NOP56: variants seen among roughly 807,000 people sequenced by gnomAD.
The protein encoded by NOP56 is nucleolar protein 56.
Under a neutral mutation model 58.3 loss-of-function variants are expected in NOP56, and 31 were observed. That is an observed-to-expected ratio of 0.53 (90% confidence interval 0.40 to 0.72). The LOEUF (loss-of-function observed/expected upper bound fraction) is 0.72, where lower values mean the gene tolerates loss of function less well. NOP56 is among the 30% of genes least tolerant of loss of function. The probability of loss-of-function intolerance (pLI) is 0.00; values close to 1 mark genes in which losing one functional copy is unlikely to be tolerated. For synonymous variants in NOP56, 313 were observed against 282.8 expected (o/e 1.11, Z -1.07); for missense variants, 669 against 739.9 (o/e 0.90, Z 1.11).
In NOP56 at chr20:2,658,033, A is replaced by G. The variant is rs749665536; in HGVS notation, c.1524A>G (p.Lys508=). 2.5e-6 allele frequency: 4 copies of G among 1,613,474 alleles called. No homozygotes were observed. The highest frequency in any genetic ancestry group is 1.1e-5 in the South Asian group (1 of 91,046). ...CTATCTCTTTCTCCAAACCCAAGAA[A>G]AAGAAATCTTTTTCCAAGGAGGAGT... ...DPSISFSKPK[K]KKSFSKEELM... The change falls in exon 12 of 12, where the codon AAA becomes AAG. Residue 508 remains lysine, a synonymous_variant. Transcript: ENST00000329276.
Position 2,652,665 on chromosome 20 carries a change from T to C in NOP56, c.3+2T>C, listed in dbSNP as rs1222840555. Reference sequence around the variant, plus strand: ...CCGAACCCGGGAGCTGGCGCCATGGTGAGGAGTGGTTGCGGGGCGCGGGCG... The same window carrying C: ...CCGAACCCGGGAGCTGGCGCCATGGCGAGGAGTGGTTGCGGGGCGCGGGCG... On this transcript the variant is annotated splice_donor_variant, in intron 1 of 11. Coordinates refer to ENST00000329276, the MANE Select transcript of NOP56 (RefSeq NM_006392.4). LOFTEE classifies it high-confidence loss of function. 1.4e-6 allele frequency: 2 copies of C among 1,454,198 alleles called. No homozygotes were observed. The highest frequency in any genetic ancestry group is 1.8e-6 in the Non-Finnish European group (2 of 1,112,592). 90.1% of individuals were successfully genotyped at this position (1,454,198 alleles called of 1,614,324 possible). A position where few individuals can be genotyped will look rare whatever the true frequency, so the allele number is the denominator to read the frequency against.
chr20:2,652,666 G>A lies in NOP56; in HGVS notation c.3+3G>A, dbSNP rs528649307. On this transcript the variant is annotated splice_donor_region_variant and intron_variant, in intron 1 of 11. Transcript: ENST00000329276. ...CGAACCCGGGAGCTGGCGCCATGGTGAGGAGTGGTTGCGGGGCGCGGGCGA... is the reference window on the plus strand; with the variant it reads ...CGAACCCGGGAGCTGGCGCCATGGTAAGGAGTGGTTGCGGGGCGCGGGCGA... 65 of 1,457,938 alleles carry A rather than the reference G, an allele frequency of 4.5e-5. 2 individuals carry two copies. In the South Asian group the frequency reaches 4.6e-4, roughly 10 times the overall value. 90.3% of individuals were successfully genotyped at this position (1,457,938 alleles called of 1,614,324 possible).
intron 8 of NOP56, 54 bp from the exon 9 acceptor site, chr20:2,656,347 G>C (rs1396578212): frequency 8.1e-6 from 13 of 1,611,716 alleles, no homozygotes; most frequent in Non-Finnish European, 1.1e-5. Context: ...GAGCTGCCTT[G>C]GCTAATGGGG....
At chr20:2,657,438 T>A in intron 11 of NOP56, 1 of 741,078 alleles carries the variant, frequency 1.3e-6, no homozygotes, top group Non-Finnish European at 2.4e-6. Context: ...ACCCGTTCCC[T>A]GGGCATGTGT....
In NOP56 at chr20:2,657,869, A is replaced by C. The variant is rs1190935076; in HGVS notation, c.1420-60A>C. On this transcript the variant is annotated intron_variant, in intron 11 of 11. Transcript: ENST00000329276. Reference sequence around the variant, plus strand: ...ACGCGTTCCCCTGCCTTGGCTACTTAATTGCTGAAGATGTAATGAGCACTG... The same window carrying C: ...ACGCGTTCCCCTGCCTTGGCTACTTCATTGCTGAAGATGTAATGAGCACTG... The C allele has an allele frequency of 6.6e-6, 10 of 1,509,434 alleles. No individual in the cohort carries two copies. The Admixed American group carries it at 2.2e-4, about 34-fold the overall frequency. The allele number at this position is 1,509,434 out of a possible 1,614,324, so 93.5% of individuals were successfully genotyped here. A position where few individuals can be genotyped will look rare whatever the true frequency, so the allele number is the denominator to read the frequency against.
chr20:2,654,148 ATTAT>A (rs1458218015), intron 3 of NOP56: 1 of 680,376 alleles, frequency 1.5e-6, no homozygotes, highest in African/African-American at 1.7e-5. Context: ...GTTACAAGCT[ATTAT>A]TTATTGCCCA....
In NOP56 at chr20:2,658,022, A is replaced by G. The variant is rs756300272; in HGVS notation, c.1513A>G (p.Lys505Glu). ...GGAAGACCCATCTATCTCTTTCTCCAAACCCAAGAAAAAGAAATCTTTTTC... is the reference window on the plus strand; with the variant it reads ...GGAAGACCCATCTATCTCTTTCTCCGAACCCAAGAAAAAGAAATCTTTTTC... Reference protein sequence around the residue: ...GMEDPSISFSKPKKKKSFSKE... With the variant: ...GMEDPSISFSEPKKKKSFSKE... The change falls in exon 12 of 12, where the codon AAA becomes GAA. Residue 505 changes from lysine to glutamate, a missense_variant. Physicochemically the swap from Lys to Glu is moderately conservative, Grantham distance 56 (BLOSUM62 1). Transcript: ENST00000329276. 22 of 1,613,238 alleles carry G rather than the reference A, an allele frequency of 1.4e-5. No individual in the cohort carries two copies. The South Asian group carries it at 2.2e-4, about 16-fold the overall frequency.
intron 3 of NOP56, 36 bp downstream of exon 3, chr20:2,653,429 T>G (rs1298778261): frequency 6.4e-7 from 1 of 1,562,204 alleles, no homozygotes; most frequent in Non-Finnish European, 8.8e-7. Context: ...CAGAGAGATG[T>G]GGTTCCTTTC....
intron 11 of NOP56, 88 bp from the exon 12 acceptor site, chr20:2,657,841 G>A (rs568260154): frequency 1.7e-4 from 245 of 1,414,142 alleles, no homozygotes; most frequent in South Asian, 1.7e-3. Flanking sequence ...CAATGTTAAC[G>A]ACACGCGTTC....
chr20:2,654,104 C>T, intron 3 of NOP56: 3 of 572,070 alleles, frequency 5.2e-6, no homozygotes, highest in Admixed American at 3.8e-5. Context: ...GGTTTGGTTC[C>T]AGAAGGCAAA....
At chr20:2,657,474 A>C in intron 11 of NOP56, 2 of 686,694 alleles carry the variant, frequency 2.9e-6, no homozygotes, top group South Asian at 3.0e-5. Context: ...GCCTCCCAGG[A>C]GTCCTCAACC....
rs183079055 is a variant in NOP56 at position 2,655,839 on chromosome 20, G to C, written c.909+93G>C. 9.3e-4 allele frequency: 1,491 copies of C among 1,610,490 alleles called. 1 individual carries two copies. The highest frequency in any genetic ancestry group is 1.1e-3 in the Non-Finnish European group (1,307 of 1,176,976). ...TTCGTGACCCACCATGTCTTCCCTA[G>C]TTGTGCTTGATGGGGAGGTGGGGAG... On this transcript the variant is annotated intron_variant, in intron 7 of 11. Transcript: ENST00000329276.
intron 2 of NOP56, 58 bp downstream of exon 2, chr20:2,652,989 C>CA: frequency 7.0e-7 from 1 of 1,428,836 alleles, no homozygotes; most frequent in Non-Finnish European, 9.5e-7. Flanking sequence ...GCGCGGGTCC[C>CA]AGCATGCACA....
At chr20:2,656,689 G>C (rs2086824441) in intron 9 of NOP56, 85 bp from the exon 10 acceptor site, 1 of 1,611,834 alleles carries the variant, frequency 6.2e-7, no homozygotes, top group African/African-American at 1.3e-5. Context: ...CTCTGGGTCT[G>C]AGTGAAGCTG....
At position 2,657,995 on chromosome 20, in the gene NOP56, A is replaced by G; in HGVS notation, c.1486A>G (p.Met496Val). The change falls in exon 12 of 12, where the codon ATG (methionine) becomes GTG (valine). Residue 496 changes from methionine to valine, a missense_variant. Coordinates refer to ENST00000329276, the MANE Select transcript of NOP56 (RefSeq NM_006392.4). ...KPQEVPQENG[M>V]EDPSISFSKP... The stretch of plus-strand genomic sequence containing the variant: ...CCAGGAGGTTCCTCAGGAGAATGGA[A>G]TGGAAGACCCATCTATCTCTTTCTC... The G allele has an allele frequency of 2.5e-6, 4 of 1,611,666 alleles. No homozygotes were observed. The highest frequency in any genetic ancestry group is 3.4e-6 in the Non-Finnish European group (4 of 1,178,132).
At chr20:2,653,230 A>C (rs1162347477) in intron 2 of NOP56, 49 bp from the exon 3 acceptor site, 1 of 1,452,604 alleles carries the variant, frequency 6.9e-7, no homozygotes, top group Admixed American at 1.7e-5. Context: ...ACTGCGCCGC[A>C]GAGGCAGGAG....
rs761595082 is a variant in NOP56 at position 2,655,434 on chromosome 20, A to G, written c.679A>G (p.Lys227Glu). Residue 227 changes from lysine (K) to glutamate (E), a missense_variant, in exon 6 of 12, where the codon AAG becomes GAG. Transcript: ENST00000329276. Reference sequence around the variant, plus strand: ...AAACCGAAGGGAACTGAATGAGGACAAGCTGGAGAAGCTGGAGGAGCTGAC... The same window carrying G: ...AAACCGAAGGGAACTGAATGAGGACGAGCTGGAGAAGCTGGAGGAGCTGAC... ...IGNRRELNED[K>E]LEKLEELTMD... is the part of the protein sequence containing the mutation. 1.2e-6 allele frequency: 2 copies of G among 1,614,134 alleles called. No individual in the cohort carries two copies. Among genetic ancestry groups the G allele is most frequent in the Admixed American group, 3.3e-5 (2 of 60,014 alleles).
At chr20:2,654,274 T>C (rs781106434) in intron 3 of NOP56, 140 bp from the exon 4 acceptor site, 2 of 877,790 alleles carry the variant, frequency 2.3e-6, no homozygotes, top group South Asian at 1.3e-5. Context: ...GATGTCTCCA[T>C]GTCTCTGAGC....
intron 5 of NOP56, 97 bp downstream of exon 5, chr20:2,655,044 C>T (rs377283481): frequency 6.8e-7 from 1 of 1,463,888 alleles, no homozygotes; most frequent in Non-Finnish European, 9.5e-7. Flanking sequence ...TGGGTAGAAC[C>T]ATGTGGGCTG....
Sources: allele counts gnomAD v4.1 joint callset, GRCh38; gene constraint gnomAD v4.1.1; transcripts MANE v1.5; gene names NCBI Gene and HGNC (gene_info 2026-07-23, HGNC 2026-07-21).